LHFPL1: variants seen among roughly 807,000 people sequenced by gnomAD.
The protein encoded by LHFPL1 is LHFPL tetraspan subfamily member 1.
LHFPL1 carries 4 observed loss-of-function variants against 12.1 expected under a neutral mutation model. The ratio of observed to expected loss-of-function variants is 0.33; its 90% CI spans 0.16 to 0.76. The LOEUF is 0.76. Among genes scored for constraint, LHFPL1 ranks in the 30% least tolerant of loss-of-function variants. The probability of loss-of-function intolerance (pLI) is 0.61; values close to 1 mark genes in which losing one functional copy is unlikely to be tolerated. For synonymous variants in LHFPL1, 52 were observed against 61.9 expected, an observed-to-expected ratio of 0.84 and a Z score of 0.75; for missense variants, 141 against 174.1, an observed-to-expected ratio of 0.81 and a Z score of 1.07.
intron 3 of LHFPL1, 95 bp downstream of exon 3, chrX:112,660,532 C>G (rs745779741): frequency 3.8e-5 from 25 of 653,768 alleles, no homozygotes; most frequent in Non-Finnish European, 6.2e-5. Flanking sequence ...GAGATTCAGG[C>G]AAGTACCACT....
At chrX:112,671,815 G>A (rs1271473289) in intron 1 of LHFPL1, among the ~76,000 whole-genome samples, 1 of 111,780 alleles carries the variant, frequency 8.9e-6, no homozygotes, top group Non-Finnish European at 1.9e-5. Flanking sequence ...TGGACTTCCT[G>A]GCCTGGTAGC....
chrX:112,652,531 G>C (rs1228568524), intron 3 of LHFPL1, among the ~76,000 whole-genome samples: 1 of 111,991 alleles, frequency 8.9e-6, no homozygotes, highest in Admixed American at 9.5e-5. Flanking sequence ...TGTGATTAGT[G>C]CTACAAAAGA....
At position 112,630,906 on chromosome X, in the gene LHFPL1, C is replaced by T. The variant is rs1473867359; in HGVS notation, c.*514G>A. Reference sequence around the variant, plus strand: ...TCCCCACCACTGGGAATCACCCTCCCCCGCTCCCCTGAAGCTTCCCCACAA... The same window carrying T: ...TCCCCACCACTGGGAATCACCCTCCTCCGCTCCCCTGAAGCTTCCCCACAA... On this transcript the variant is annotated 3_prime_UTR_variant, in exon 4 of 4. Transcript: ENST00000371968. 9.0e-6 allele frequency: 1 copy of T among 111,708 alleles called. No homozygotes were observed. The highest frequency in any genetic ancestry group is 1.9e-5 in the Non-Finnish European group (1 of 53,221). The allele number at this position is 111,708 out of a possible 1,213,427, so 9.2% of individuals were successfully genotyped here.
chrX:112,669,682 T>G (rs1000930202), intron 2 of LHFPL1, among the ~76,000 whole-genome samples: 3 of 112,296 alleles, frequency 2.7e-5, no homozygotes, highest in African/African-American at 6.5e-5. Context: ...TTTGGCTGGA[T>G]ACCTCTTTGT....
intron 3 of LHFPL1, among the ~76,000 whole-genome samples, chrX:112,649,844 G>C (rs1252606764): frequency 9.0e-6 from 1 of 110,683 alleles, no homozygotes; most frequent in Non-Finnish European, 1.9e-5. Context: ...CTGAAATTTT[G>C]TCATAATATG....
intron 1 of LHFPL1, among the ~76,000 whole-genome samples, chrX:112,673,961 A>G (rs1166221311): frequency 2.7e-5 from 3 of 111,999 alleles, no homozygotes; most frequent in Non-Finnish European, 3.8e-5. Flanking sequence ...AATGTCCCTC[A>G]TGGACATCAT....
chrX:112,649,471 A>G (rs1930789164), intron 3 of LHFPL1, among the ~76,000 whole-genome samples: 1 of 112,143 alleles, frequency 8.9e-6, no homozygotes, highest in Non-Finnish European at 1.9e-5. Flanking sequence ...TGTGTTACAG[A>G]GGCTTCATTC....
intron 1 of LHFPL1, among the ~76,000 whole-genome samples, chrX:112,675,151 C>G (rs965385964): frequency 9.0e-6 from 1 of 111,438 alleles, no homozygotes; most frequent in African/African-American, 3.3e-5. Flanking sequence ...TAAAAGATTA[C>G]AAATACGGTG....
chrX:112,648,564 A>C (rs1324252435), intron 3 of LHFPL1: 4 of 111,336 alleles, frequency 3.6e-5, no homozygotes, highest in Non-Finnish European at 7.5e-5. Context: ...AATTAAACTA[A>C]AGCTTTAACA....
intron 3 of LHFPL1, among the ~76,000 whole-genome samples, chrX:112,647,018 A>G (rs1930710631): frequency 8.9e-6 from 1 of 111,895 alleles, no homozygotes; most frequent in Admixed American, 9.5e-5. Flanking sequence ...TTTCCTCATC[A>G]TAAAAATGGC....
chrX:112,657,347 A>G (rs1931037152), intron 3 of LHFPL1, among the ~76,000 whole-genome samples: 1 of 112,150 alleles, frequency 8.9e-6, no homozygotes, highest in African/African-American at 3.2e-5. Context: ...ACTTCATATT[A>G]TTAAGGTAGC....
chrX:112,639,826 G>C (rs943472895), intron 3 of LHFPL1, among the ~76,000 whole-genome samples: 3 of 112,114 alleles, frequency 2.7e-5, no homozygotes, highest in African/African-American at 9.7e-5. Flanking sequence ...AAACACTTCT[G>C]GGTCACCCCG....
At chrX:112,637,587 A>G (rs771526494) in intron 3 of LHFPL1, among the ~76,000 whole-genome samples, 1 of 112,281 alleles carries the variant, frequency 8.9e-6, no homozygotes, top group South Asian at 3.8e-4. Context: ...AATCCAAAAA[A>G]GGAGTTCTCT....
chrX:112,655,180 A>G (rs1930962065), intron 3 of LHFPL1, among the ~76,000 whole-genome samples: 1 of 112,171 alleles, frequency 8.9e-6, no homozygotes, highest in African/African-American at 3.2e-5. Flanking sequence ...GTCATACTCT[A>G]TTTATCTTCT....
chrX:112,644,120 G>T (rs187354061), intron 3 of LHFPL1, among the ~76,000 whole-genome samples: 63 of 112,604 alleles, frequency 5.6e-4, no homozygotes, highest in African/African-American at 2.0e-3. Flanking sequence ...GGATTTTCAA[G>T]GACTGCCTGC....
intron 3 of LHFPL1, 149 bp downstream of exon 3, chrX:112,660,478 C>T (rs1000634118): frequency 2.0e-6 from 1 of 488,462 alleles, no homozygotes; most frequent in African/African-American, 2.4e-5. Flanking sequence ...ACAGCCAACT[C>T]TTGTGAGTTA....
At chrX:112,668,471 C>T (rs190387220) in intron 2 of LHFPL1, among the ~76,000 whole-genome samples, 8 of 112,752 alleles carry the variant, frequency 7.1e-5, no homozygotes, top group African/African-American at 2.6e-4. Context: ...AGGGATAAAC[C>T]TGATAGCACA....
chrX:112,647,046 G>A (rs1930711521), intron 3 of LHFPL1, among the ~76,000 whole-genome samples: 2 of 111,774 alleles, frequency 1.8e-5, no homozygotes, highest in Admixed American at 1.9e-4. Flanking sequence ...TGTCAGCCAT[G>A]GTTGAGTTTT....
At chrX:112,637,879 G>C (rs1425218148) in intron 3 of LHFPL1, among the ~76,000 whole-genome samples, 3 of 112,045 alleles carry the variant, frequency 2.7e-5, no homozygotes, top group African/African-American at 9.7e-5. Flanking sequence ...TGTTCTGAGA[G>C]CTGCTACTGT....
Sources: gnomAD v4.1 joint callset for allele counts (sites outside exome capture counted in the v4.1 genomes callset) on GRCh38, gnomAD v4.1.1 for gene constraint, MANE v1.5 for transcripts, NCBI Gene and HGNC (gene_info 2026-07-23, HGNC 2026-07-21) for gene names.